OXCT1: variants seen among roughly 807,000 people sequenced by gnomAD.
The protein encoded by OXCT1 is succinyl-CoA:3-ketoacid coenzyme A transferase 1, mitochondrial.
A neutral mutation model predicts 69.6 loss-of-function variants in OXCT1; 27 were observed. That is an observed-to-expected ratio of 0.39 (90% confidence interval 0.29 to 0.54). The LOEUF is 0.54. Ranked by LOEUF, OXCT1 falls within the 20% of genes least tolerant of loss-of-function variation. The probability of loss-of-function intolerance (pLI) is 0.72; values close to 1 mark genes in which losing one functional copy is unlikely to be tolerated. For synonymous variants in OXCT1, 202 were observed against 217.8 expected, an observed-to-expected ratio of 0.93 and a Z score of 0.64; for missense variants, 437 against 650.2, an observed-to-expected ratio of 0.67 and a Z score of 3.57.
chr5:41,767,577 G>A (rs1744666268), intron 13 of OXCT1, among the ~76,000 whole-genome samples: 1 of 150,988 alleles, frequency 6.6e-6, no homozygotes, highest in South Asian at 2.1e-4. Context: ...TAATTCCCTG[G>A]AGAGAGAAAA....
Position 41,870,359 on chromosome 5 carries a change from C to T in OXCT1, c.-1G>A. Reference sequence around the variant, plus strand: ...AGGAGAGGAGTTTGAGAGCCGCCATCTTCGGGCGGTGAGGCAGGAGGAGGC... The same window carrying T: ...AGGAGAGGAGTTTGAGAGCCGCCATTTTCGGGCGGTGAGGCAGGAGGAGGC... On this transcript the variant is annotated 5_prime_UTR_variant, in exon 1 of 17. Coordinates refer to ENST00000196371, the MANE Select transcript of OXCT1 (RefSeq NM_000436.4). The surrounding 1 kb of genome is among the most constrained non-coding windows in gnomAD (Gnocchi z 4.2). 1.2e-6 allele frequency: 2 copies of T among 1,612,946 alleles called. No individual in the cohort carries two copies. Among genetic ancestry groups the T allele is most frequent in the South Asian group, 1.1e-5 (1 of 91,008 alleles).
intron 5 of OXCT1, among the ~76,000 whole-genome samples, chr5:41,845,731 C>T (rs896092763): frequency 6.6e-6 from 1 of 152,152 alleles, no homozygotes; most frequent in Non-Finnish European, 1.5e-5. Context: ...AATTTTTCAA[C>T]TTCTAGCAAG....
chr5:41,843,969 G>A (rs1160850286), intron 5 of OXCT1, among the ~76,000 whole-genome samples: 2 of 152,064 alleles, frequency 1.3e-5, no homozygotes, highest in Non-Finnish European at 2.9e-5. Context: ...ATTTTGGAAC[G>A]GCTTATGTAT....
intron 14 of OXCT1, 138 bp downstream of exon 14, chr5:41,761,973 C>T: frequency 1.4e-6 from 1 of 721,520 alleles, no homozygotes; most frequent in Admixed American, 2.0e-5. Context: ...TGTCATCTTT[C>T]TCTCTCAAAT....
chr5:41,863,503 T>C (rs530934682), intron 1 of OXCT1, among the ~76,000 whole-genome samples: 20 of 152,330 alleles, frequency 1.3e-4, no homozygotes, highest in African/African-American at 4.6e-4. Context: ...CTGTCTGTGA[T>C]ACTATCCCCC....
chr5:41,746,295 C>T (rs760610680), intron 15 of OXCT1, among the ~76,000 whole-genome samples: 20 of 151,896 alleles, frequency 1.3e-4, no homozygotes, highest in Middle Eastern at 3.4e-3. Flanking sequence ...AACCAAGGAA[C>T]GCATCTTTCA....
chr5:41,731,734 T>A lies in OXCT1; in HGVS notation c.1558A>T (p.Asn520Tyr), dbSNP rs370598234. 3 of 1,608,730 alleles carry A rather than the reference T, an allele frequency of 1.9e-6. No homozygotes were observed. Among genetic ancestry groups the A allele is most frequent in the Non-Finnish European group, 2.5e-6 (3 of 1,177,472 alleles). ...CTGGTACAAATATCCATATTTCAAT[T>A]TGCGATCTGCTGCATTGGCATGAGT... ...PKLMPMQQIA[N>Y] Residue 520 changes from asparagine (N) to tyrosine (Y), a missense_variant, in exon 17 of 17, where the codon AAT (asparagine) becomes TAT (tyrosine). This residue lies in a region of OXCT1 where 102 missense variants were observed against 162.1 expected (regional missense o/e 0.63). Coordinates refer to ENST00000196371, the MANE Select transcript of OXCT1 (RefSeq NM_000436.4).
At chr5:41,832,210 C>A (rs976993236) in intron 7 of OXCT1, among the ~76,000 whole-genome samples, 1 of 152,192 alleles carries the variant, frequency 6.6e-6, no homozygotes, top group African/African-American at 2.4e-5. Flanking sequence ...TAGTAGTTAA[C>A]AGCAGGCCTT....
At chr5:41,756,355 T>C (rs1744073224) in intron 14 of OXCT1, among the ~76,000 whole-genome samples, 2 of 152,090 alleles carry the variant, frequency 1.3e-5, no homozygotes, top group African/African-American at 4.8e-5. Context: ...GTGGTAATGG[T>C]GCTTGCCAGC....
intron 14 of OXCT1, among the ~76,000 whole-genome samples, chr5:41,752,976 C>A (rs1743868807): frequency 6.6e-6 from 1 of 151,378 alleles, no homozygotes; most frequent in African/African-American, 2.5e-5. Flanking sequence ...CTATTGCTTG[C>A]TTCTTGGTGA....
At chr5:41,851,280 G>T (rs1198742008) in intron 4 of OXCT1, among the ~76,000 whole-genome samples, 1 of 152,192 alleles carries the variant, frequency 6.6e-6, no homozygotes, top group Non-Finnish European at 1.5e-5. Flanking sequence ...AGTCATTCAA[G>T]TAGGTGGAAT....
chr5:41,737,195 T>C (rs192139909), intron 16 of OXCT1, among the ~76,000 whole-genome samples: 5 of 152,296 alleles, frequency 3.3e-5, no homozygotes, highest in Non-Finnish European at 2.9e-5. Context: ...CAGGACAACA[T>C]TGACATACAA....
chr5:41,791,079 C>T (rs1471195411), intron 13 of OXCT1, among the ~76,000 whole-genome samples: 1 of 152,146 alleles, frequency 6.6e-6, no homozygotes. Context: ...TGCTTCAGAT[C>T]ACATAATTTG....
rs200306864 is a variant in OXCT1 at position 41,805,680 on chromosome 5, C to T, written c.842G>A (p.Arg281His). The change falls in exon 9 of 17, where the codon CGT (arginine) becomes CAT (histidine). Residue 281 changes from arginine to histidine, a missense_variant and splice_region_variant. Physicochemically the swap from Arg to His is conservative, Grantham distance 29 (BLOSUM62 0). This residue lies in a region of OXCT1 where 252 missense variants were observed against 397.4 expected (regional missense o/e 0.63). Coordinates refer to ENST00000196371, the MANE Select transcript of OXCT1 (RefSeq NM_000436.4). ...KGEKYEKRIERLSIRKEGDGE... is the reference protein window; with the variant it reads ...KGEKYEKRIEHLSIRKEGDGE... ...ATCTCCCTCTTTCCGGATTGATAAA[C>T]GCTTTAAATTAAACAGAAATAAATT... is the stretch of plus-strand genomic sequence containing the variant. 65 of 1,576,540 alleles carry T rather than the reference C, an allele frequency of 4.1e-5. No homozygotes were observed. Among genetic ancestry groups the T allele is most frequent in the Middle Eastern group, 1.7e-4 (1 of 5,980 alleles).
intron 7 of OXCT1, among the ~76,000 whole-genome samples, chr5:41,825,682 T>C (rs565779541): frequency 8.8e-4 from 134 of 152,272 alleles, no homozygotes; most frequent in African/African-American, 3.0e-3. Context: ...GTGACTTTCA[T>C]TCAAAAGAAG....
chr5:41,793,672 G>T (rs1052667188), intron 13 of OXCT1, among the ~76,000 whole-genome samples: 1 of 152,114 alleles, frequency 6.6e-6, no homozygotes, highest in East Asian at 1.9e-4. Context: ...GTTCTTCCTA[G>T]TTTAAAATTT....
intron 1 of OXCT1, among the ~76,000 whole-genome samples, chr5:41,868,252 G>A (rs574632821): frequency 6.6e-6 from 1 of 152,204 alleles, no homozygotes; most frequent in Non-Finnish European, 1.5e-5. Flanking sequence ...TCTCTCATCC[G>A]TACTTTAAAC....
chr5:41,741,069 G>T (rs550339323), intron 15 of OXCT1, among the ~76,000 whole-genome samples: 1 of 151,706 alleles, frequency 6.6e-6, no homozygotes, highest in African/African-American at 2.4e-5. Flanking sequence ...TCTTGCCTCA[G>T]CCTCCTGAGT....
At chr5:41,786,507 T>C (rs1745650253) in intron 13 of OXCT1, among the ~76,000 whole-genome samples, 1 of 152,196 alleles carries the variant, frequency 6.6e-6, no homozygotes, top group African/African-American at 2.4e-5. Flanking sequence ...AATGAGGAGA[T>C]GCATTGCTTT....
Sources: gnomAD v4.1 joint callset for allele counts (sites outside exome capture counted in the v4.1 genomes callset) on GRCh38, gnomAD v4.1.1 for gene constraint, gnomAD v4.1.1 regional missense constraint, Gnocchi (gnomAD v3.1) non-coding constraint, MANE v1.5 for transcripts, NCBI Gene and HGNC (gene_info 2026-07-23, HGNC 2026-07-21) for gene names.